Variants in DNER observed in about 807,000 individuals in gnomAD.
DNER encodes delta/notch like EGF repeat containing.
In DNER, 33 loss-of-function variants were observed where a neutral mutation model predicts 78.2. The ratio of observed to expected loss-of-function variants is 0.42; its 90% CI spans 0.32 to 0.56. The LOEUF (loss-of-function observed/expected upper bound fraction) is 0.56. Ranked by LOEUF, DNER falls within the 20% of genes least tolerant of loss-of-function variation. The pLI is 0.11. For missense variants in DNER, 918 were observed against 975.3 expected (o/e 0.94, Z 0.78); for synonymous variants, 417 against 384.8 (o/e 1.08, Z -0.98).
chr2:229,462,199 G>A (rs1694717385), intron 7 of DNER, among the ~76,000 whole-genome samples: 1 of 151,986 alleles, frequency 6.6e-6, no homozygotes, highest in African/African-American at 2.4e-5. Context: ...AGATATTTAA[G>A]ACCAAAAGAA....
intron 1 of DNER, among the ~76,000 whole-genome samples, chr2:229,712,383 G>A (rs1041572871): frequency 6.6e-6 from 1 of 152,068 alleles, no homozygotes; most frequent in African/African-American, 2.4e-5. Flanking sequence ...TCTGTTTTTA[G>A]AGTCACCAAA....
chr2:229,708,227 T>C (rs1038358338), intron 1 of DNER, among the ~76,000 whole-genome samples: 13 of 152,154 alleles, frequency 8.5e-5, no homozygotes, highest in Admixed American at 6.5e-4. Context: ...GAACAGGCTA[T>C]GAAGGAAGAT....
At chr2:229,596,924 TGCACACGCAC>T (rs1414271346) in intron 1 of DNER, among the ~76,000 whole-genome samples, 1 of 152,186 alleles carries the variant, frequency 6.6e-6, no homozygotes, top group East Asian at 1.9e-4. Flanking sequence ...TGCACACACA[TGCACACGCAC>T]ATGCACATGC....
chr2:229,440,226 G>A lies in DNER; in HGVS notation c.1486+7090C>T, dbSNP rs117076967. On this transcript the variant is annotated intron_variant, in intron 8 of 12. Coordinates refer to ENST00000341772, the MANE Select transcript of DNER (RefSeq NM_139072.4). ...GAAGCCTAAAGAAGGCAAATATCAC[G>A]AATTCTACCTGAATGCCCCCACAAC... Among the ~76,000 whole-genome samples, 132 of 152,264 alleles carry A rather than the reference G, an allele frequency of 8.7e-4. 1 individual carries two copies. In the East Asian group the frequency reaches 0.02, roughly 23 times the overall value.
At chr2:229,540,277 T>C (rs1696486624) in intron 5 of DNER, among the ~76,000 whole-genome samples, 1 of 151,814 alleles carries the variant, frequency 6.6e-6, no homozygotes, top group Non-Finnish European at 1.5e-5. Flanking sequence ...GGGAACAGCA[T>C]GAGCAAAACC....
intron 1 of DNER, among the ~76,000 whole-genome samples, chr2:229,640,598 C>T (rs1698600227): frequency 6.6e-6 from 1 of 152,128 alleles, no homozygotes; most frequent in Non-Finnish European, 1.5e-5. Flanking sequence ...TCATGGTACA[C>T]CAGGAAAGAA....
Position 229,714,442 on chromosome 2 carries a change from G to C in DNER, c.-19C>G, listed in dbSNP as rs1699963904. The C allele has an allele frequency of 3.6e-6, 4 of 1,120,362 alleles. No homozygotes were observed. The highest frequency in any genetic ancestry group is 4.3e-6 in the Non-Finnish European group (4 of 919,720). The allele number at this position is 1,120,362 out of a possible 1,614,324, so 69.4% of individuals were successfully genotyped here. A position where few individuals can be genotyped will look rare whatever the true frequency, so the allele number is the denominator to read the frequency against. Reference sequence around the variant, plus strand: ...GCTGCATGGCCGGCCGGGAGGGCGCGGGAGCCGGAGCCAGGACGCAGTGAC... The same window carrying C: ...GCTGCATGGCCGGCCGGGAGGGCGCCGGAGCCGGAGCCAGGACGCAGTGAC... On this transcript the variant is annotated 5_prime_UTR_variant, in exon 1 of 13. Coordinates refer to ENST00000341772, the MANE Select transcript of DNER (RefSeq NM_139072.4).
chr2:229,530,802 C>G (rs1696286761), intron 5 of DNER, among the ~76,000 whole-genome samples: 1 of 152,228 alleles, frequency 6.6e-6, no homozygotes, highest in Admixed American at 6.5e-5. Flanking sequence ...TCTTAGCCTT[C>G]AAATGCTCAT....
At chr2:229,468,503 A>T (rs1276321245) in intron 7 of DNER, among the ~76,000 whole-genome samples, 1 of 151,954 alleles carries the variant, frequency 6.6e-6, no homozygotes, top group Non-Finnish European at 1.5e-5. Flanking sequence ...CTGCCATCCC[A>T]CCCAGGAACA....
At chr2:229,539,907 G>A (rs1282230316) in intron 5 of DNER, among the ~76,000 whole-genome samples, 2 of 152,154 alleles carry the variant, frequency 1.3e-5, no homozygotes, top group Non-Finnish European at 2.9e-5. Flanking sequence ...CCAGCACCCT[G>A]TCCCTGCGGC....
In DNER at chr2:229,512,785, G is replaced by C. The variant is rs576984523; in HGVS notation, c.1145C>G (p.Pro382Arg). ...TGAACCATGAGTATGTGTCGTACCAGGAAGGCAAACACAGGTGAAATTGCT... is the reference window on the plus strand; with the variant it reads ...TGAACCATGAGTATGTGTCGTACCACGAAGGCAAACACAGGTGAAATTGCT... ...DGSNFTCVCL[P>R]GYTGELCQSK... Residue 382 changes from proline to arginine, a missense_variant and splice_region_variant, in exon 6 of 13, where the codon CCT becomes CGT. Transcript: ENST00000341772. 1.2e-6 allele frequency: 2 copies of C among 1,614,108 alleles called. No individual in the cohort carries two copies. The highest frequency in any genetic ancestry group is 2.7e-5 in the African/African-American group (2 of 75,044).
intron 6 of DNER, among the ~76,000 whole-genome samples, chr2:229,508,441 T>C (rs759099516): frequency 7.9e-5 from 12 of 152,162 alleles, no homozygotes; most frequent in Non-Finnish European, 1.6e-4. Context: ...GATGTCTTAG[T>C]AATAACAGTA....
chr2:229,485,525 G>A (rs1156863172), intron 6 of DNER, among the ~76,000 whole-genome samples: 1 of 152,136 alleles, frequency 6.6e-6, no homozygotes, highest in Non-Finnish European at 1.5e-5. Context: ...GTTTGCCTGT[G>A]AATCTCAGAA....
chr2:229,550,846 G>A (rs1696721701), intron 4 of DNER, among the ~76,000 whole-genome samples: 1 of 152,128 alleles, frequency 6.6e-6, no homozygotes. Context: ...TAGAAACAGA[G>A]CCCACGTTGG....
At chr2:229,385,756 C>T (rs1692850510) in intron 11 of DNER, among the ~76,000 whole-genome samples, 2 of 152,228 alleles carry the variant, frequency 1.3e-5, no homozygotes, top group Middle Eastern at 3.4e-3. Flanking sequence ...AAGAATACAA[C>T]TTACAAGGGA....
intron 4 of DNER, among the ~76,000 whole-genome samples, chr2:229,553,919 A>G (rs1696796881): frequency 1.3e-5 from 2 of 152,216 alleles, no homozygotes; most frequent in Non-Finnish European, 1.5e-5. Context: ...CCCAGAATGT[A>G]AATGAACAAC....
At chr2:229,481,850 C>T (rs1695166985) in intron 6 of DNER, among the ~76,000 whole-genome samples, 1 of 152,166 alleles carries the variant, frequency 6.6e-6, no homozygotes, top group South Asian at 2.1e-4. Context: ...AAAGGTAATA[C>T]ACGGTGGCCA....
chr2:229,463,629 G>C (rs1228678178), intron 7 of DNER, among the ~76,000 whole-genome samples: 1 of 152,046 alleles, frequency 6.6e-6, no homozygotes, highest in African/African-American at 2.4e-5. Context: ...TTATGGAAAT[G>C]TGATCTCCCT....
chr2:229,629,812 T>C (rs776875504), intron 1 of DNER, among the ~76,000 whole-genome samples: 1 of 152,230 alleles, frequency 6.6e-6, no homozygotes, highest in Non-Finnish European at 1.5e-5. Flanking sequence ...TGTAGGTGAC[T>C]TTATCTTTGA....
Sources: allele counts gnomAD v4.1 joint callset (sites outside exome capture counted in the v4.1 genomes callset), GRCh38; gene constraint gnomAD v4.1.1; transcripts MANE v1.5; gene names NCBI Gene and HGNC (gene_info 2026-07-23, HGNC 2026-07-21).